Variants in PARD3 observed in about 807,000 individuals in gnomAD.
PARD3 encodes the protein par-3 family cell polarity regulator, also known as partitioning defective 3 homolog.
PARD3 carries 75 observed loss-of-function variants against 155.4 expected under a neutral mutation model. The observed-to-expected ratio is 0.48, with a 90% CI of 0.40 to 0.58. PARD3 has a LOEUF of 0.58. Among genes scored for constraint, PARD3 ranks in the 20% least tolerant of loss-of-function variants. PARD3 has a pLI of 0.00. For synonymous variants in PARD3, 576 were observed against 610.5 expected (o/e 0.94, Z 0.83); for missense variants, 1,642 against 1,721.7 (o/e 0.95, Z 0.82).
At chr10:34,390,763 A>G (rs2132081317) in intron 7 of PARD3, among the ~76,000 whole-genome samples, 1 of 152,330 alleles carries the variant, frequency 6.6e-6, no homozygotes, top group African/African-American at 2.4e-5. Flanking sequence ...ATAATAGAGC[A>G]AAAAATGATA....
intron 1 of PARD3, among the ~76,000 whole-genome samples, chr10:34,758,884 T>A (rs1244201770): frequency 6.6e-6 from 1 of 152,138 alleles, no homozygotes; most frequent in African/African-American, 2.4e-5. Flanking sequence ...ATACTAGGTG[T>A]GACTGAAACG....
At chr10:34,266,850 T>C (rs920347503) in intron 22 of PARD3, among the ~76,000 whole-genome samples, 1 of 152,148 alleles carries the variant, frequency 6.6e-6, no homozygotes, top group Admixed American at 6.6e-5. Flanking sequence ...AGCATGTAAG[T>C]GCTACTGAAA....
At chr10:34,448,742 C>T (rs1345084273) in intron 5 of PARD3, among the ~76,000 whole-genome samples, 1 of 151,972 alleles carries the variant, frequency 6.6e-6, no homozygotes, top group Non-Finnish European at 1.5e-5. Context: ...AAGTTCGAGG[C>T]TGCAGTGAGC....
intron 22 of PARD3, among the ~76,000 whole-genome samples, chr10:34,242,192 C>G (rs1037001705): frequency 6.6e-6 from 1 of 152,118 alleles, no homozygotes; most frequent in Non-Finnish European, 1.5e-5. Flanking sequence ...CACACTGGTA[C>G]AGCTTTATGT....
chr10:34,259,316 T>A (rs1250735988), intron 22 of PARD3, among the ~76,000 whole-genome samples: 1 of 85,700 alleles, frequency 1.2e-5, no homozygotes, highest in Non-Finnish European at 2.4e-5. Flanking sequence ...TGAAATGGGT[T>A]TCAACTGGGT....
chr10:34,358,236 A>G (rs957759429), intron 14 of PARD3, among the ~76,000 whole-genome samples: 2 of 152,166 alleles, frequency 1.3e-5, no homozygotes, highest in Admixed American at 1.3e-4. Flanking sequence ...AAGGCAACAT[A>G]TAATTTATTT....
At chr10:34,349,879 G>A (rs1355139433) in intron 14 of PARD3, among the ~76,000 whole-genome samples, 1 of 151,892 alleles carries the variant, frequency 6.6e-6, no homozygotes, top group East Asian at 1.9e-4. Flanking sequence ...ATCCCAAAAG[G>A]CTATTTTAAA....
intron 15 of PARD3, among the ~76,000 whole-genome samples, chr10:34,342,189 T>C (rs74134107): frequency 0.016 from 2,390 of 152,350 alleles, 72 homozygotes; most frequent in African/African-American, 0.055. Flanking sequence ...CCCACTAACT[T>C]GCATTGTTTA....
intron 1 of PARD3, among the ~76,000 whole-genome samples, chr10:34,759,209 A>C (rs192836704): frequency 1.3e-5 from 2 of 152,318 alleles, no homozygotes; most frequent in African/African-American, 4.8e-5. Context: ...TAGGAACCAA[A>C]GAAATATACT....
At chr10:34,358,004 T>G (rs1306754969) in intron 14 of PARD3, among the ~76,000 whole-genome samples, 3 of 152,218 alleles carry the variant, frequency 2.0e-5, no homozygotes, top group Non-Finnish European at 4.4e-5. Flanking sequence ...AGAAAAACTC[T>G]TAAACAACTT....
At chr10:34,238,658 T>C (rs1466888582) in intron 22 of PARD3, among the ~76,000 whole-genome samples, 1 of 152,160 alleles carries the variant, frequency 6.6e-6, no homozygotes, top group Non-Finnish European at 1.5e-5. Context: ...CATGCAGTGC[T>C]GAACACTTTA....
Position 34,623,974 on chromosome 10 carries a change from C to T in PARD3, c.222+72344G>A, listed in dbSNP as rs554831946. On this transcript the variant is annotated intron_variant, in intron 2 of 24. Coordinates refer to ENST00000374788, the MANE Select transcript of PARD3 (RefSeq NM_001184785.2). ...CAGCCTGGGCCACAGAGCAAGACTC[C>T]GTCTCAAAAAAAAAAAAAAAAGTCA... Among the ~76,000 whole-genome samples the T allele has an allele frequency of 2.7e-5, 4 of 145,906 alleles. No individual in the cohort carries two copies. The East Asian group carries it at 5.9e-4, about 21-fold the overall frequency.
rs532694386 is a variant in PARD3 at position 34,271,545 on chromosome 10, G to GA, written c.3177-1647dup. 6.6e-5 allele frequency among the ~76,000 whole-genome samples: 10 copies of GA among 152,194 alleles called. No individual in the cohort carries two copies. In the South Asian group the frequency reaches 2.1e-3, roughly 32 times the overall value. ...ACCTTCAGAAAACTAGAAATAAAGTGAAACTTCCTAAAGTTAAGAGCATCT... is the reference window on the plus strand; with the variant it reads ...ACCTTCAGAAAACTAGAAATAAAGTGAAAACTTCCTAAAGTTAAGAGCATCT... On this transcript the variant is annotated intron_variant, in intron 21 of 24. Transcript: ENST00000374788.
chr10:34,464,329 G>A (rs2077871560), intron 4 of PARD3, among the ~76,000 whole-genome samples: 1 of 152,080 alleles, frequency 6.6e-6, no homozygotes, highest in Non-Finnish European at 1.5e-5. Flanking sequence ...AATAGTACCA[G>A]CTGCTTGTTT....
intron 7 of PARD3, among the ~76,000 whole-genome samples, chr10:34,395,499 A>T (rs1205654854): frequency 6.6e-6 from 1 of 152,250 alleles, no homozygotes; most frequent in Non-Finnish European, 1.5e-5. Flanking sequence ...GATGAGGATC[A>T]GTTAACTTTA....
intron 20 of PARD3, chr10:34,312,473 T>C (rs1957754918): frequency 8.1e-7 from 1 of 1,233,994 alleles, no homozygotes; most frequent in Non-Finnish European, 1.2e-6. Context: ...ATGCCTAAGA[T>C]GTATAATCCA....
intron 1 of PARD3, among the ~76,000 whole-genome samples, chr10:34,724,533 A>C (rs2094665879): frequency 1.3e-5 from 2 of 152,242 alleles, no homozygotes; most frequent in African/African-American, 4.8e-5. Context: ...ATCCCAATCA[A>C]GTATTTAAAA....
At chr10:34,509,445 A>T (rs1042133446) in intron 3 of PARD3, among the ~76,000 whole-genome samples, 1 of 152,180 alleles carries the variant, frequency 6.6e-6, no homozygotes, top group East Asian at 1.9e-4. Context: ...CAGGGCCACA[A>T]TAAGTTTAGA....
At chr10:34,561,508 A>AT (rs923723211) in intron 2 of PARD3, among the ~76,000 whole-genome samples, 44 of 151,244 alleles carry the variant, frequency 2.9e-4, no homozygotes, top group Middle Eastern at 3.4e-3. Context: ...ACGCACATTT[A>AT]TTTTTTTTTA....
Sources: allele counts gnomAD v4.1 joint callset (sites outside exome capture counted in the v4.1 genomes callset), GRCh38; gene constraint gnomAD v4.1.1; transcripts MANE v1.5; gene names NCBI Gene and HGNC (gene_info 2026-07-23, HGNC 2026-07-21).